OSBPL3: variants seen among roughly 807,000 people sequenced by gnomAD.
OSBPL3 encodes oxysterol binding protein like 3, also known as oxysterol-binding protein-related protein 3.
In OSBPL3, 65 loss-of-function variants were observed where a neutral mutation model predicts 120.1. That is an observed-to-expected ratio of 0.54 (90% CI 0.44 to 0.67). The LOEUF (loss-of-function observed/expected upper bound fraction) is 0.67. Among genes scored for constraint, OSBPL3 ranks in the 30% least tolerant of loss-of-function variants. The pLI is 0.00. For synonymous variants in OSBPL3, 416 were observed against 402.6 expected (o/e 1.03, Z -0.40); for missense variants, 1,004 against 1,082.1 (o/e 0.93, Z 1.01).
chr7:24,979,656 G>C (rs1387285594), intron 1 of OSBPL3, among the ~76,000 whole-genome samples: 1 of 152,090 alleles, frequency 6.6e-6, no homozygotes, highest in Non-Finnish European at 1.5e-5. Flanking sequence ...TCGAGGGAAG[G>C]TGTCCTGGGG....
rs1813827604 is a variant in OSBPL3, at chr7:24,947,117, T to C, written c.-150+32769A>G. Among the ~76,000 whole-genome samples the C allele has an allele frequency of 1.3e-5, 2 of 152,164 alleles. No homozygotes were observed. Among genetic ancestry groups the C allele is most frequent in the Admixed American group, 1.3e-4 (2 of 15,284 alleles). On this transcript the variant is annotated intron_variant, in intron 1 of 22. Transcript: ENST00000313367. The surrounding 1 kb of genome is among the most constrained non-coding windows in gnomAD (Gnocchi z 4.4). The stretch of plus-strand genomic sequence containing the variant: ...AACAAAGTCAGGAGTGCCCCATCCT[T>C]GATGATGGTCAAGTCAAGGTGTTGT...
chr7:24,882,032 A>T (rs529493272), intron 2 of OSBPL3, among the ~76,000 whole-genome samples: 1 of 152,298 alleles, frequency 6.6e-6, no homozygotes, highest in African/African-American at 2.4e-5. Flanking sequence ...TCCTTAAATT[A>T]ATTACATCTG....
intron 1 of OSBPL3, chr7:24,906,164 C>A (rs939947840): frequency 5.0e-6 from 1 of 200,168 alleles, no homozygotes; most frequent in Non-Finnish European, 1.0e-5. Flanking sequence ...GGCATCATCA[C>A]GGAGCAGGTA....
intron 1 of OSBPL3, among the ~76,000 whole-genome samples, chr7:24,960,789 T>C (rs759834723): frequency 6.6e-6 from 1 of 152,196 alleles, no homozygotes; most frequent in Non-Finnish European, 1.5e-5. Context: ...TCCATCACAG[T>C]TCATCTTGGT....
chr7:24,809,757 C>T, intron 20 of OSBPL3, 50 bp downstream of exon 20: 4 of 1,587,946 alleles, frequency 2.5e-6, no homozygotes, highest in Non-Finnish European at 3.5e-6. Flanking sequence ...TGTGTCATGC[C>T]CACCCATCCA....
chr7:24,888,776 C>T (rs1346171073), intron 2 of OSBPL3, among the ~76,000 whole-genome samples: 2 of 152,026 alleles, frequency 1.3e-5, no homozygotes, highest in Non-Finnish European at 2.9e-5. Context: ...GATAGGAAGA[C>T]CAGGTTCAAG....
Position 24,816,653 on chromosome 7 carries a change from T to A in OSBPL3, c.1984A>T (p.Met662Leu). Residue 662 changes from methionine (M) to leucine (L), a missense_variant, in exon 18 of 23, where the codon ATG becomes TTG. This residue lies in a region of OSBPL3 where 473 missense variants were observed against 568.0 expected (regional missense o/e 0.83). Coordinates refer to ENST00000313367, the MANE Select transcript of OSBPL3 (RefSeq NM_015550.4). ...GTTGTGCCAATTGGAACAATTTCCA[T>A]GGATTTGCCCCAGAATTTGTTTTTC... ...RWKNKFWGKS[M>L]EIVPIGTTHV... 1 of 1,613,104 alleles carries A rather than the reference T, an allele frequency of 6.2e-7. No individual in the cohort carries two copies. Among genetic ancestry groups the A allele is most frequent in the Admixed American group, 1.7e-5 (1 of 60,016 alleles).
rs547405977 is a variant in OSBPL3, at chr7:24,923,007, A to G, written c.-149-30386T>C. ...ACATATAAACATGACCATCAGAGAT[A>G]CTCTACACTATAACCACTACATACT... On this transcript the variant is annotated intron_variant, in intron 1 of 22. Transcript: ENST00000313367. Among the ~76,000 whole-genome samples, 91 of 152,338 alleles carry G rather than the reference A, an allele frequency of 6.0e-4. 1 individual carries two copies. Among genetic ancestry groups the G allele is most frequent in the African/African-American group, 2.2e-3 (91 of 41,570 alleles).
rs1356728068 is a variant in OSBPL3 at position 24,849,085 on chromosome 7, C to A, written c.1250G>T (p.Gly417Val). 1 of 1,613,490 alleles carries A rather than the reference C, an allele frequency of 6.2e-7. No individual in the cohort carries two copies. The highest frequency in any genetic ancestry group is 8.5e-7 in the Non-Finnish European group (1 of 1,179,622). ...CCTACCCACCTCTGCCAGATTGTCA[C>A]CCGACTTGGCGACAGCGGGGGAGTC... ...LLDSPAVAKSGDNLAEENSRD... is the reference protein window; with the variant it reads ...LLDSPAVAKSVDNLAEENSRD... Residue 417 changes from glycine to valine, a missense_variant, in exon 12 of 23, where the codon GGT becomes GTT. By Grantham distance (109) the Gly-to-Val change is moderately radical. Transcript: ENST00000313367. This position sits in a 1 kb window ranked among gnomAD's most constrained non-coding sequence, Gnocchi z 5.4.
At chr7:24,807,518 A>G (rs963482479) in intron 20 of OSBPL3, among the ~76,000 whole-genome samples, 3 of 107,920 alleles carry the variant, frequency 2.8e-5, no homozygotes, top group Non-Finnish European at 4.9e-5. Flanking sequence ...TAATAATAAT[A>G]ACAACAATAA....
chr7:24,876,841 A>G (rs11761671), intron 2 of OSBPL3, among the ~76,000 whole-genome samples: 36,659 of 152,136 alleles, frequency 0.24, 4,442 homozygotes, highest in Admixed American at 0.25. Context: ...TGTCTTGTTC[A>G]CTACTTAAAA....
In OSBPL3 at chr7:24,863,507, T is replaced by G; in HGVS notation, c.766A>C (p.Asn256His). The G allele has an allele frequency of 6.2e-7, 1 of 1,613,356 alleles. No individual in the cohort carries two copies. Among genetic ancestry groups the G allele is most frequent in the East Asian group, 2.2e-5 (1 of 44,866 alleles). ...GGAGTCCGGCTCACCTGGATGGCGT[T>G]GATAGCTGGTGCCGAGTATGTCCGA... is the stretch of plus-strand genomic sequence containing the variant. ...LHRTYSAPAINAIQGGSFESP... is the reference protein window; with the variant it reads ...LHRTYSAPAIHAIQGGSFESP... Residue 256 changes from asparagine to histidine, a missense_variant, in exon 8 of 23, where the codon AAC (asparagine) becomes CAC (histidine). By Grantham distance (68) the Asn-to-His change is moderately conservative. This residue lies in a region of OSBPL3 where 272 missense variants were observed against 248.8 expected (regional missense o/e 1.09). Coordinates refer to ENST00000313367, the MANE Select transcript of OSBPL3 (RefSeq NM_015550.4). The surrounding 1 kb of genome is among the most constrained non-coding windows in gnomAD (Gnocchi z 5.8).
Position 24,808,773 on chromosome 7 carries a change from C to A in OSBPL3, c.2317+1034G>T, listed in dbSNP as rs1046939144. Among the ~76,000 whole-genome samples, 19 of 152,184 alleles carry A rather than the reference C, an allele frequency of 1.2e-4. No homozygotes were observed. Among genetic ancestry groups the A allele is most frequent in the African/African-American group, 4.3e-4 (18 of 41,432 alleles). Reference sequence around the variant, plus strand: ...AATCTCTCTTGCCTACTCTGTTGCCCGTGACTGGTTCACGGATGGGTCTGA... The same window carrying A: ...AATCTCTCTTGCCTACTCTGTTGCCAGTGACTGGTTCACGGATGGGTCTGA... On this transcript the variant is annotated intron_variant, in intron 20 of 22. Transcript: ENST00000313367. This position sits in a 1 kb window ranked among gnomAD's most constrained non-coding sequence, Gnocchi z 4.6.
intron 2 of OSBPL3, among the ~76,000 whole-genome samples, chr7:24,882,163 C>T (rs1020036151): frequency 2.0e-5 from 3 of 152,084 alleles, no homozygotes; most frequent in Admixed American, 2.0e-4. Flanking sequence ...TTCTTACATA[C>T]ACAGTTTGCA....
intron 12 of OSBPL3, among the ~76,000 whole-genome samples, chr7:24,844,022 G>T (rs1214061013): frequency 6.6e-6 from 1 of 152,210 alleles, no homozygotes; most frequent in Non-Finnish European, 1.5e-5. Flanking sequence ...TGGGTCCAAA[G>T]ATTTCCTGGC....
rs771232434 is a variant in OSBPL3, at chr7:24,836,512, TG to T, written c.1496-1777del. Among the ~76,000 whole-genome samples the T allele has an allele frequency of 1.1e-4, 17 of 152,356 alleles. No homozygotes were observed. The South Asian group carries it at 2.7e-3, about 24-fold the overall frequency. ...GGTATTTACCTTTAAATTTGGCCCA[TG>T]GAGTATTTTGATGAATGAAACATAT... On this transcript the variant is annotated intron_variant, in intron 14 of 22. Coordinates refer to ENST00000313367, the MANE Select transcript of OSBPL3 (RefSeq NM_015550.4).
rs1340323091 is a variant in OSBPL3 at position 24,883,952 on chromosome 7, G to T, written c.96+8425C>A. Among the ~76,000 whole-genome samples the T allele has an allele frequency of 6.6e-6, 1 of 152,056 alleles. No homozygotes were observed. The highest frequency in any genetic ancestry group is 2.4e-5 in the African/African-American group (1 of 41,374). ...TGAGGTATGTTATAACCATAGGGGT[G>T]GCTAAAAGGTCAGCAGTAAGGAGGA... On this transcript the variant is annotated intron_variant, in intron 2 of 22. Coordinates refer to ENST00000313367, the MANE Select transcript of OSBPL3 (RefSeq NM_015550.4). The surrounding 1 kb of genome is among the most constrained non-coding windows in gnomAD (Gnocchi z 5.4).
intron 1 of OSBPL3, among the ~76,000 whole-genome samples, chr7:24,909,308 T>A (rs1808425264): frequency 6.6e-6 from 1 of 152,204 alleles, no homozygotes; most frequent in Non-Finnish European, 1.5e-5. Context: ...TGGTAGGGGC[T>A]TGTGACTAAG....
rs1255011049 is a variant in OSBPL3 at position 24,833,635 on chromosome 7, ACT to A, written c.1746+849_1746+850del. Among the ~76,000 whole-genome samples the A allele has an allele frequency of 1.3e-5, 2 of 152,250 alleles. No individual in the cohort carries two copies. Among genetic ancestry groups the A allele is most frequent in the East Asian group, 3.9e-4 (2 of 5,172 alleles). ...CAATTGGCAAATGCCCAGGAGAGAG[ACT>A]CTGCATCTGGGGGACACTGCTGTCC... is the stretch of plus-strand genomic sequence containing the variant. On this transcript the variant is annotated intron_variant, in intron 15 of 22. Transcript: ENST00000313367. This position sits in a 1 kb window ranked among gnomAD's most constrained non-coding sequence, Gnocchi z 4.4.
Sources: gnomAD v4.1 joint callset for allele counts (sites outside exome capture counted in the v4.1 genomes callset) on GRCh38, gnomAD v4.1.1 for gene constraint, gnomAD v4.1.1 regional missense constraint, Gnocchi (gnomAD v3.1) non-coding constraint, MANE v1.5 for transcripts, NCBI Gene and HGNC (gene_info 2026-07-23, HGNC 2026-07-21) for gene names.